LIMCH1: variants seen among roughly 807,000 people sequenced by gnomAD.
The protein encoded by LIMCH1 is LIM and calponin homology domains-containing protein 1.
A neutral mutation model predicts 176.5 loss-of-function variants in LIMCH1; 113 were observed. The ratio of observed to expected loss-of-function variants is 0.64; its 90% CI spans 0.55 to 0.75. The LOEUF (loss-of-function observed/expected upper bound fraction) is 0.75. LIMCH1 is among the 30% of genes least tolerant of loss of function. The pLI is 0.00. For missense variants in LIMCH1, 1,674 were observed against 1,814.9 expected (o/e 0.92, Z 1.41); for synonymous variants, 619 against 645.9 (o/e 0.96, Z 0.63).
At position 41,638,956 on chromosome 4, in the gene LIMCH1, T is replaced by G; in HGVS notation, c.2115T>G (p.Ser705=). ...GATACGGTCCGAGAACTCCTGTGTC[T>G]GATGACGCAGAGTAAGTTGCCTTGT... ...DQRYGPRTPV[S]DDAESTSMFD... The change falls in exon 14 of 32, where the codon TCT becomes TCG. Residue 705 remains serine (S), a synonymous_variant. Coordinates refer to ENST00000503057, the MANE Select transcript of LIMCH1 (RefSeq NM_001330672.2). The G allele has an allele frequency of 6.3e-7, 1 of 1,591,142 alleles. No individual in the cohort carries two copies. The highest frequency in any genetic ancestry group is 8.5e-7 in the Non-Finnish European group (1 of 1,173,190).
intron 1 of LIMCH1, among the ~76,000 whole-genome samples, chr4:41,559,289 A>T (rs559280824): frequency 6.6e-6 from 1 of 152,100 alleles, no homozygotes; most frequent in Admixed American, 6.6e-5. Flanking sequence ...TAGATGTTCC[A>T]TGTAACCTGT....
chr4:41,477,213 A>G (rs1019297517), intron 1 of LIMCH1, among the ~76,000 whole-genome samples: 9 of 152,318 alleles, frequency 5.9e-5, no homozygotes, highest in African/African-American at 1.9e-4. Flanking sequence ...GACCAGGGAT[A>G]ATAATAATGC....
intron 2 of LIMCH1, among the ~76,000 whole-genome samples, chr4:41,495,957 A>G (rs1157310142): frequency 6.6e-6 from 1 of 151,988 alleles, no homozygotes; most frequent in Non-Finnish European, 1.5e-5. Flanking sequence ...CTCTTTTCTC[A>G]TTATTACATT....
chr4:41,605,084 C>T (rs2090514907), intron 3 of LIMCH1, among the ~76,000 whole-genome samples: 1 of 152,138 alleles, frequency 6.6e-6, no homozygotes, highest in Non-Finnish European at 1.5e-5. Flanking sequence ...TCATCTTCAG[C>T]TGACTCTGCT....
chr4:41,652,139 C>T (rs762939043), intron 18 of LIMCH1, among the ~76,000 whole-genome samples: 1 of 152,156 alleles, frequency 6.6e-6, no homozygotes, highest in African/African-American at 2.4e-5. Context: ...AAACTTCTTC[C>T]GGCACCAAGG....
intron 1 of LIMCH1, among the ~76,000 whole-genome samples, chr4:41,432,207 C>T (rs1165689033): frequency 2.6e-5 from 4 of 152,158 alleles, no homozygotes; most frequent in Non-Finnish European, 4.4e-5. Flanking sequence ...CTGGCTGATG[C>T]GTGTTGTGTG....
intron 1 of LIMCH1, among the ~76,000 whole-genome samples, chr4:41,481,955 A>T (rs958957175): frequency 1.3e-5 from 2 of 151,528 alleles, no homozygotes; most frequent in Non-Finnish European, 2.9e-5. Context: ...GGTTCAAGCG[A>T]TTCTTCTGCC....
chr4:41,453,734 CT>C (rs2064177063), intron 1 of LIMCH1: 1 of 152,176 alleles, frequency 6.6e-6, no homozygotes, highest in South Asian at 2.1e-4. Flanking sequence ...TTGCTCTTTT[CT>C]CTTTTGGGAT....
At chr4:41,461,339 G>A (rs148132158) in intron 1 of LIMCH1, among the ~76,000 whole-genome samples, 1 of 152,296 alleles carries the variant, frequency 6.6e-6, no homozygotes, top group Admixed American at 6.5e-5. Context: ...GATGCAGTTT[G>A]TTTGGGCTTA....
intron 7 of LIMCH1, among the ~76,000 whole-genome samples, chr4:41,621,238 T>C (rs895646432): frequency 2.6e-5 from 4 of 152,158 alleles, no homozygotes; most frequent in African/African-American, 9.7e-5. Flanking sequence ...AATGGAGTAA[T>C]TACTTCTCTT....
intron 1 of LIMCH1, among the ~76,000 whole-genome samples, chr4:41,451,236 C>T (rs2063834770): frequency 6.6e-6 from 1 of 152,070 alleles, no homozygotes; most frequent in African/African-American, 2.4e-5. Flanking sequence ...CTGCCTCAGC[C>T]TCCCGAGTAG....
chr4:41,563,191 A>G (rs1561761583), intron 1 of LIMCH1, among the ~76,000 whole-genome samples: 1 of 152,138 alleles, frequency 6.6e-6, no homozygotes, highest in Non-Finnish European at 1.5e-5. Flanking sequence ...GATAGTGTAC[A>G]TGTCACAGAG....
chr4:41,681,855 G>A (rs777905894), intron 25 of LIMCH1, among the ~76,000 whole-genome samples: 14 of 152,056 alleles, frequency 9.2e-5, no homozygotes, highest in East Asian at 5.8e-4. Context: ...ATGAACTTAC[G>A]TAGAACAGCA....
intron 1 of LIMCH1, among the ~76,000 whole-genome samples, chr4:41,402,979 TA>T (rs1277969767): frequency 8.0e-5 from 8 of 99,758 alleles, no homozygotes; most frequent in South Asian, 7.2e-4. Flanking sequence ...AGTATAATAA[TA>T]AAAAAAAAGA....
chr4:41,382,828 A>G (rs1377466167), intron 1 of LIMCH1, among the ~76,000 whole-genome samples: 6 of 152,144 alleles, frequency 3.9e-5, no homozygotes, highest in African/African-American at 9.7e-5. Context: ...TCTTGCTACC[A>G]TCACCCAGGC....
intron 1 of LIMCH1, among the ~76,000 whole-genome samples, chr4:41,464,692 G>A (rs113145992): frequency 5.5e-4 from 83 of 152,094 alleles, no homozygotes; most frequent in Non-Finnish European, 2.9e-5. Context: ...TTCTTAAGTA[G>A]GTCAAGTCTG....
At chr4:41,627,879 G>A (rs2093068351) in intron 8 of LIMCH1, among the ~76,000 whole-genome samples, 1 of 152,196 alleles carries the variant, frequency 6.6e-6, no homozygotes. Flanking sequence ...TTTTAAGCCT[G>A]TTGAACTTAG....
chr4:41,560,986 C>T (rs753698898), intron 1 of LIMCH1, among the ~76,000 whole-genome samples: 4 of 152,086 alleles, frequency 2.6e-5, no homozygotes, highest in Non-Finnish European at 5.9e-5. Flanking sequence ...CACTGCACTC[C>T]AGCCTGGGCA....
At chr4:41,409,089 A>G (rs1279271705) in intron 1 of LIMCH1, among the ~76,000 whole-genome samples, 2 of 152,178 alleles carry the variant, frequency 1.3e-5, no homozygotes, top group East Asian at 3.8e-4. Context: ...TGCTTGCTTC[A>G]TTTTGAGGAC....
Sources: gnomAD v4.1 joint callset for allele counts (sites outside exome capture counted in the v4.1 genomes callset) on GRCh38, gnomAD v4.1.1 for gene constraint, MANE v1.5 for transcripts, NCBI Gene and HGNC (gene_info 2026-07-23, HGNC 2026-07-21) for gene names.